The following GALK2 variants were observed in gnomAD, a reference collection of about 807,000 sequenced individuals.
The protein encoded by GALK2 is N-acetylgalactosamine kinase.
GALK2 carries 36 observed loss-of-function variants against 52.4 expected under a neutral mutation model. The ratio of observed to expected loss-of-function variants is 0.69; its 90% CI spans 0.53 to 0.91. The LOEUF (loss-of-function observed/expected upper bound fraction) is 0.91, where lower values mean the gene tolerates loss of function less well. Ranked by LOEUF, GALK2 falls within the 40% of genes least tolerant of loss-of-function variation. The pLI is 0.00. For synonymous variants in GALK2, 176 were observed against 199.1 expected (o/e 0.88, Z 0.98); for missense variants, 579 against 559.1 (o/e 1.04, Z -0.36).
At chr15:49,322,700 G>A (rs1018248338) in intron 9 of GALK2, among the ~76,000 whole-genome samples, 20 of 152,144 alleles carry the variant, frequency 1.3e-4, no homozygotes, top group African/African-American at 4.8e-4. Context: ...GCTCACACCT[G>A]TAATCCCAGC....
chr15:49,257,930 A>G (rs922729589), intron 5 of GALK2, among the ~76,000 whole-genome samples: 4 of 149,596 alleles, frequency 2.7e-5, no homozygotes, highest in African/African-American at 7.3e-5. Flanking sequence ...TAATAAAATA[A>G]CATTTTATTT....
intron 5 of GALK2, among the ~76,000 whole-genome samples, chr15:49,257,102 T>C (rs983895057): frequency 1.8e-4 from 28 of 152,296 alleles, no homozygotes; most frequent in African/African-American, 6.7e-4. Flanking sequence ...ATGGCTGATG[T>C]CTATTCTGAG....
At chr15:49,358,849 T>C (rs2043659662) in intron 3 of GALK2, among the ~76,000 whole-genome samples, 1 of 151,690 alleles carries the variant, frequency 6.6e-6, no homozygotes, top group Admixed American at 6.6e-5. Flanking sequence ...ACTACAAGGC[T>C]ACAGTAACCA....
chr15:49,210,560 C>G (rs1434610598), intron 2 of GALK2, among the ~76,000 whole-genome samples: 1 of 152,030 alleles, frequency 6.6e-6, no homozygotes, highest in Non-Finnish European at 1.5e-5. Flanking sequence ...CTGCCTTAGC[C>G]TCCCAAGTAG....
chr15:49,363,203 T>C (rs2044549587), intron 3 of GALK2, among the ~76,000 whole-genome samples: 1 of 152,234 alleles, frequency 6.6e-6, no homozygotes, highest in African/African-American at 2.4e-5. Context: ...AATCTGTAAA[T>C]TGCTTTGGGC....
chr15:49,209,489 T>C (rs746912727), intron 2 of GALK2, among the ~76,000 whole-genome samples: 5 of 152,198 alleles, frequency 3.3e-5, no homozygotes, highest in Non-Finnish European at 7.3e-5. Context: ...GCCTTTATTG[T>C]GTATTGAGAC....
At chr15:49,193,535 A>T (rs1466974302) in intron 1 of GALK2, among the ~76,000 whole-genome samples, 1 of 151,132 alleles carries the variant, frequency 6.6e-6, no homozygotes, top group East Asian at 1.9e-4. Flanking sequence ...ATATTAGAAA[A>T]CCTTTCCCTT....
At chr15:49,339,042 A>G (rs1448825285) in intron 3 of GALK2, among the ~76,000 whole-genome samples, 3 of 151,996 alleles carry the variant, frequency 2.0e-5, no homozygotes, top group Non-Finnish European at 2.9e-5. Context: ...CCTTTTTTCA[A>G]GGTTCTTAGC....
intron 5 of GALK2, among the ~76,000 whole-genome samples, chr15:49,240,629 A>T (rs1343210753): frequency 1.3e-5 from 2 of 152,226 alleles, no homozygotes; most frequent in Admixed American, 1.3e-4. Context: ...AACACTGATG[A>T]CATCAGATAA....
chr15:49,297,448 A>G (rs2034583809), intron 8 of GALK2, among the ~76,000 whole-genome samples: 1 of 151,904 alleles, frequency 6.6e-6, no homozygotes, highest in South Asian at 2.1e-4. Context: ...CTCACTTGTC[A>G]ATTTTTGTTT....
intron 1 of GALK2, among the ~76,000 whole-genome samples, chr15:49,192,358 G>A (rs1205213973): frequency 6.6e-6 from 1 of 151,190 alleles, no homozygotes; most frequent in African/African-American, 2.4e-5. Flanking sequence ...CTTTTAAACA[G>A]TTTCATTGCA....
At chr15:49,181,632 C>T (rs1828493600) in intron 1 of GALK2, among the ~76,000 whole-genome samples, 1 of 151,504 alleles carries the variant, frequency 6.6e-6, no homozygotes, top group Admixed American at 6.6e-5. Context: ...GTGCCTCAGC[C>T]TCCCGAGTAG....
upstream of GALK2, chr15:49,169,194 T>G (rs924135971): frequency 6.6e-6 from 1 of 151,910 alleles, no homozygotes; most frequent in African/African-American, 2.4e-5. Flanking sequence ...CTTACTGATG[T>G]ATACAACTTA....
chr15:49,321,895 T>C (rs992318510), intron 9 of GALK2, among the ~76,000 whole-genome samples: 1 of 152,202 alleles, frequency 6.6e-6, no homozygotes, highest in African/African-American at 2.4e-5. Context: ...ATTTGAACAT[T>C]AAGCAAAGTC....
chr15:49,357,642 C>T lies in GALK2; in HGVS notation c.427-9849C>T, dbSNP rs1395370799. Among the ~76,000 whole-genome samples the T allele has an allele frequency of 2.7e-5, 4 of 149,816 alleles. No homozygotes were observed. In the East Asian group the frequency reaches 7.8e-4, roughly 29 times the overall value. On this transcript the variant is annotated intron_variant, in intron 3 of 3. Coordinates refer to the GALK2 transcript ENST00000558399. The stretch of plus-strand genomic sequence containing the variant: ...GTCCAGGACCAGATGGATTCACAGC[C>T]GAATTCTACCAGAGGTACAAGGAGG...
chr15:49,273,175 A>G (rs1020683893), intron 5 of GALK2, among the ~76,000 whole-genome samples: 4 of 152,030 alleles, frequency 2.6e-5, no homozygotes, highest in Admixed American at 1.3e-4. Context: ...AAAACAAGCT[A>G]TGTGTGAAAA....
At position 49,329,303 on chromosome 15, in the gene GALK2, TG is replaced by T. The variant is rs2038137111; in HGVS notation, c.*1146del. The T allele has an allele frequency of 1.0e-6, 1 of 985,330 alleles. No individual in the cohort carries two copies. The highest frequency in any genetic ancestry group is 4.7e-5 in the South Asian group (1 of 21,294). The allele number at this position is 985,330 out of a possible 1,614,324, so 61.0% of individuals were successfully genotyped here. A position where few individuals can be genotyped will look rare whatever the true frequency, so the allele number is the denominator to read the frequency against. ...CAAATGACTGGCTTTCTCTTGTGGA[TG>T]GACTATAGGAAGCACTTTCTGAATT... On this transcript the variant is annotated 3_prime_UTR_variant, in exon 10 of 10. Coordinates refer to ENST00000560031, the MANE Select transcript of GALK2 (RefSeq NM_002044.4).
intron 5 of GALK2, among the ~76,000 whole-genome samples, chr15:49,278,803 C>T (rs1429466085): frequency 6.6e-6 from 1 of 152,230 alleles, no homozygotes; most frequent in East Asian, 1.9e-4. Flanking sequence ...TCCGTTATCA[C>T]ACTGCTGTGA....
chr15:49,249,613 T>C (rs1271039940), intron 5 of GALK2, among the ~76,000 whole-genome samples: 1 of 152,148 alleles, frequency 6.6e-6, no homozygotes, highest in African/African-American at 2.4e-5. Flanking sequence ...TTGACTGTAT[T>C]GGTGGTATAA....
Sources: allele counts gnomAD v4.1 joint callset (sites outside exome capture counted in the v4.1 genomes callset), GRCh38; gene constraint gnomAD v4.1.1; transcripts MANE v1.5; gene names NCBI Gene and HGNC (gene_info 2026-07-23, HGNC 2026-07-21).